Variants in PSD3 observed in about 807,000 individuals in gnomAD.
The protein encoded by PSD3 is PH and SEC7 domain-containing protein 3.
Under a neutral mutation model 105.5 loss-of-function variants are expected in PSD3, and 49 were observed. The ratio of observed to expected loss-of-function variants is 0.46; its 90% confidence interval spans 0.37 to 0.59. PSD3 has a LOEUF of 0.59. Among genes scored for constraint, PSD3 ranks in the 20% least tolerant of loss-of-function variants. The pLI is 0.00. For synonymous variants in PSD3, 557 were observed against 457.8 expected, an observed-to-expected ratio of 1.22 and a Z score of -2.77; for missense variants, 1,561 against 1,263.8, an observed-to-expected ratio of 1.24 and a Z score of -3.57.
chr8:18,758,304 C>T (rs1806225495), intron 9 of PSD3, among the ~76,000 whole-genome samples: 1 of 151,830 alleles, frequency 6.6e-6, no homozygotes, highest in African/African-American at 2.4e-5. Flanking sequence ...GTTAAGCCTT[C>T]TGGTAGAAAA....
intron 9 of PSD3, among the ~76,000 whole-genome samples, chr8:18,704,679 T>C (rs1057326931): frequency 1.3e-5 from 2 of 152,214 alleles, no homozygotes; most frequent in African/African-American, 4.8e-5. Context: ...ATCTCAGTTC[T>C]GCTAAGTTGC....
intron 4 of PSD3, among the ~76,000 whole-genome samples, chr8:18,846,257 A>G (rs1185366357): frequency 6.6e-6 from 1 of 152,216 alleles, no homozygotes. Flanking sequence ...TCTCTAGAGA[A>G]ACAGTGATAT....
intron 1 of PSD3, among the ~76,000 whole-genome samples, chr8:19,000,277 G>T (rs1408722257): frequency 1.3e-5 from 2 of 151,410 alleles, no homozygotes; most frequent in African/African-American, 4.9e-5. Context: ...TGTGCCTGTG[G>T]TCCCAGCTAC....
At chr8:18,813,283 G>A (rs949813330) in intron 4 of PSD3, among the ~76,000 whole-genome samples, 8 of 152,126 alleles carry the variant, frequency 5.3e-5, no homozygotes, top group African/African-American at 1.9e-4. Flanking sequence ...GTGCACACAT[G>A]GAAAGAAACA....
At chr8:18,609,793 C>G (rs913333024) in intron 11 of PSD3, among the ~76,000 whole-genome samples, 6 of 152,184 alleles carry the variant, frequency 3.9e-5, no homozygotes, top group Admixed American at 3.3e-4. Flanking sequence ...TGTATATTAA[C>G]CTCTAACTTT....
intron 4 of PSD3, among the ~76,000 whole-genome samples, chr8:18,807,082 A>G (rs1325113190): frequency 6.6e-6 from 1 of 152,232 alleles, no homozygotes; most frequent in Non-Finnish European, 1.5e-5. Context: ...AACCTAAAAA[A>G]TAGGTTGTAA....
intron 2 of PSD3, among the ~76,000 whole-genome samples, chr8:18,923,681 T>G (rs1821175629): frequency 6.6e-6 from 1 of 152,226 alleles, no homozygotes; most frequent in Non-Finnish European, 1.5e-5. Context: ...TATCTAGGTT[T>G]GCGTAAGTAC....
chr8:19,059,585 C>A (rs1017988805), intron 1 of PSD3, among the ~76,000 whole-genome samples: 3 of 152,174 alleles, frequency 2.0e-5, no homozygotes, highest in South Asian at 4.1e-4. Context: ...CCTTCTCCTA[C>A]CCCTGTGCCT....
intron 4 of PSD3, among the ~76,000 whole-genome samples, chr8:18,860,865 T>G (rs1816386239): frequency 6.6e-6 from 1 of 152,188 alleles, no homozygotes; most frequent in African/African-American, 2.4e-5. Context: ...GATCTATGAT[T>G]CTCCTTGTAA....
rs750399738 is a variant in PSD3 at position 18,871,952 on chromosome 8, C to T, written c.912G>A (p.Val304=). The part of the protein sequence containing the change: ...GRVKHVEFQG[V]EILWTGGDKR... ...TGTCTCCTCCTGTCCACAGTATTTC[C>T]ACTCCTTGAAATTCCACATGTTTGA... is the stretch of plus-strand genomic sequence containing the variant. The change falls in exon 3 of 16, where the codon GTG becomes GTA. Residue 304 remains valine (V), a synonymous_variant. Transcript: ENST00000327040. 11 of 1,614,136 alleles carry T rather than the reference C, an allele frequency of 6.8e-6. No homozygotes were observed. The South Asian group carries it at 1.1e-4, about 16-fold the overall frequency.
At chr8:18,915,957 T>A (rs184969118) in intron 2 of PSD3, among the ~76,000 whole-genome samples, 2 of 151,672 alleles carry the variant, frequency 1.3e-5, no homozygotes, top group African/African-American at 2.4e-5. Context: ...TAGCCAGGCA[T>A]GGGTGGCACA....
At chr8:18,548,659 G>T (rs568504430) in intron 15 of PSD3, among the ~76,000 whole-genome samples, 1 of 152,272 alleles carries the variant, frequency 6.6e-6, no homozygotes, top group African/African-American at 2.4e-5. Context: ...TCAAATTTGT[G>T]TGCCCTCTCT....
At chr8:18,751,045 C>T (rs567718383) in intron 9 of PSD3, among the ~76,000 whole-genome samples, 27 of 152,292 alleles carry the variant, frequency 1.8e-4, no homozygotes, top group Middle Eastern at 6.8e-3. Flanking sequence ...TGCGCTCACA[C>T]TCCTCAGCCC....
At chr8:18,550,771 C>T (rs1800716494) in intron 15 of PSD3, among the ~76,000 whole-genome samples, 1 of 152,086 alleles carries the variant, frequency 6.6e-6, no homozygotes, top group South Asian at 2.1e-4. Flanking sequence ...AGTCGGGAAC[C>T]ATCTGTACTT....
At chr8:18,555,737 T>A (rs142823396) in intron 15 of PSD3, among the ~76,000 whole-genome samples, 2 of 152,282 alleles carry the variant, frequency 1.3e-5, no homozygotes, top group African/African-American at 2.4e-5. Flanking sequence ...TCAACCCCCT[T>A]CTGAAGGGCA....
At chr8:18,673,242 T>C (rs1463690934) in intron 9 of PSD3, among the ~76,000 whole-genome samples, 1 of 152,002 alleles carries the variant, frequency 6.6e-6, no homozygotes, top group Non-Finnish European at 1.5e-5. Flanking sequence ...TGCCCGTCTC[T>C]TTCTTTCCAC....
At chr8:18,635,459 CA>C (rs1160108467) in intron 10 of PSD3, among the ~76,000 whole-genome samples, 2 of 151,586 alleles carry the variant, frequency 1.3e-5, no homozygotes, top group Admixed American at 6.6e-5. Context: ...ATAATGCAGC[CA>C]AAAAAAATCC....
At chr8:18,810,105 C>T (rs1364977972) in intron 4 of PSD3, among the ~76,000 whole-genome samples, 2 of 152,194 alleles carry the variant, frequency 1.3e-5, no homozygotes, top group African/African-American at 2.4e-5. Context: ...ATGCCTTTTA[C>T]GTATGTTGTT....
intron 10 of PSD3, among the ~76,000 whole-genome samples, chr8:18,635,512 G>A (rs1585453735): frequency 6.6e-6 from 1 of 151,946 alleles, no homozygotes; most frequent in Admixed American, 6.6e-5. Flanking sequence ...CAGTGTTAGA[G>A]TATCCTACTT....
Sources: allele counts gnomAD v4.1 joint callset (sites outside exome capture counted in the v4.1 genomes callset), GRCh38; gene constraint gnomAD v4.1.1; transcripts MANE v1.5; gene names NCBI Gene and HGNC (gene_info 2026-07-23, HGNC 2026-07-21).